The following TG variants were observed in gnomAD, a reference collection of about 807,000 sequenced individuals.
TG encodes thyroid hormones.
TG carries 270 observed loss-of-function variants against 324.7 expected under a neutral mutation model. That is an observed-to-expected ratio of 0.83 (90% CI 0.75 to 0.92). The LOEUF is 0.92. Ranked by LOEUF, TG falls within the 40% of genes least tolerant of loss-of-function variation. The probability of loss-of-function intolerance (pLI) is 0.00; values close to 1 mark genes in which losing one functional copy is unlikely to be tolerated. For synonymous variants in TG, 1,401 were observed against 1,327.0 expected (o/e 1.06, Z -1.21); for missense variants, 3,591 against 3,456.4 (o/e 1.04, Z -0.98).
chr8:132,973,319 C>T (rs140632638), intron 34 of TG, among the ~76,000 whole-genome samples: 26 of 152,296 alleles, frequency 1.7e-4, no homozygotes, highest in Admixed American at 3.3e-4. Context: ...TGGAGGAAAA[C>T]GGGGACAACC....
chr8:132,982,276 G>A (rs751326274), intron 34 of TG, among the ~76,000 whole-genome samples: 7 of 152,174 alleles, frequency 4.6e-5, no homozygotes, highest in Non-Finnish European at 8.8e-5. Flanking sequence ...CTGCTGACCC[G>A]GGAGCCCCTA....
chr8:132,916,019 G>T (rs116498037), intron 20 of TG, among the ~76,000 whole-genome samples: 2 of 152,124 alleles, frequency 1.3e-5, no homozygotes, highest in African/African-American at 2.4e-5. Context: ...ACATTTTACT[G>T]TCCAGAGACT....
intron 35 of TG, chr8:133,002,896 G>C: frequency 1.8e-6 from 1 of 566,040 alleles, no homozygotes; most frequent in Non-Finnish European, 2.3e-6. Context: ...AACGCTTCCA[G>C]TTTTGCCATG....
chr8:133,043,606 A>G (rs1838742472), intron 41 of TG, among the ~76,000 whole-genome samples: 2 of 152,184 alleles, frequency 1.3e-5, no homozygotes, highest in South Asian at 4.1e-4. Context: ...GGGGACCCCA[A>G]GTTCTGAGGG....
intron 41 of TG, among the ~76,000 whole-genome samples, chr8:133,030,266 T>G (rs1398708629): frequency 1.3e-5 from 2 of 152,224 alleles, no homozygotes; most frequent in African/African-American, 4.8e-5. Flanking sequence ...TGTTTCTATT[T>G]CCTGAGAGTG....
intron 41 of TG, among the ~76,000 whole-genome samples, chr8:133,088,943 TA>T (rs1029375770): frequency 1.3e-5 from 2 of 152,164 alleles, no homozygotes; most frequent in African/African-American, 4.8e-5. Context: ...CTTGGATGTT[TA>T]AAAAAAGTCC....
chr8:132,982,534 AG>A (rs1302094053), intron 34 of TG, among the ~76,000 whole-genome samples: 2 of 152,216 alleles, frequency 1.3e-5, no homozygotes, highest in Admixed American at 1.3e-4. Context: ...AGGAAGTTAG[AG>A]GACTTGTTAC....
chr8:133,134,570 A>G, intron 47 of TG, 106 bp from the exon 48 acceptor site: 2 of 1,058,780 alleles, frequency 1.9e-6, no homozygotes, highest in Admixed American at 3.4e-5. Context: ...GGCATTAGCA[A>G]GAAATGTCCA....
At chr8:132,872,929 C>T in intron 4 of TG, 133 bp from the exon 5 acceptor site, 4 of 1,002,204 alleles carry the variant, frequency 4.0e-6, no homozygotes, top group Non-Finnish European at 6.1e-6. Flanking sequence ...GTTCACACGA[C>T]AATGAAACCG....
intron 41 of TG, among the ~76,000 whole-genome samples, chr8:133,086,292 C>T (rs1210925719): frequency 6.6e-6 from 1 of 152,158 alleles, no homozygotes; most frequent in Non-Finnish European, 1.5e-5. Context: ...GTGATGATTG[C>T]ACAACTCTGT....
intron 41 of TG, chr8:133,073,084 A>G (rs540162022): frequency 6.6e-6 from 1 of 152,346 alleles, no homozygotes; most frequent in Admixed American, 6.5e-5. Context: ...TTTCAAACAT[A>G]CAGAGAAACT....
chr8:132,944,582 C>G (rs1386252742), intron 26 of TG, among the ~76,000 whole-genome samples: 1 of 152,218 alleles, frequency 6.6e-6, no homozygotes, highest in Non-Finnish European at 1.5e-5. Flanking sequence ...GGGAAGTGAC[C>G]TGCCAGATGC....
In TG at chr8:132,882,498, G is replaced by T. The variant is rs1284208730; in HGVS notation, c.775G>T (p.Asp259Tyr). 6.2e-7 allele frequency: 1 copy of T among 1,614,208 alleles called. No homozygotes were observed. Among genetic ancestry groups the T allele is most frequent in the South Asian group, 1.1e-5 (1 of 91,086 alleles). ...GGAGTTGTTACTGGATGAAATTTATGACACCATTTTTGCTGGCCTGGACCT... is the reference window on the plus strand; with the variant it reads ...GGAGTTGTTACTGGATGAAATTTATTACACCATTTTTGCTGGCCTGGACCT... ...GLELLLDEIY[D>Y]TIFAGLDLPS... The change falls in exon 7 of 48, where the codon GAC becomes TAC. Residue 259 changes from aspartate to tyrosine, a missense_variant. By Grantham distance (160) the Asp-to-Tyr change is radical. Coordinates refer to ENST00000220616, the MANE Select transcript of TG (RefSeq NM_003235.5).
At chr8:132,906,656 T>C in intron 16 of TG, 32 bp from the exon 17 acceptor site, 3 of 1,612,152 alleles carry the variant, frequency 1.9e-6, no homozygotes, top group Non-Finnish European at 2.5e-6. Flanking sequence ...GCTGGGCAGG[T>C]GCCCACCACG....
chr8:133,001,953 GT>G, intron 35 of TG: 1 of 985,462 alleles, frequency 1.0e-6, no homozygotes, highest in Non-Finnish European at 1.2e-6. Context: ...ATTCCTCTTG[GT>G]TTTGATTGCG....
rs568134505 is a variant in TG at position 133,079,901 on chromosome 8, A to G, written c.7240-15143A>G. 5.9e-5 allele frequency among the ~76,000 whole-genome samples: 9 copies of G among 152,062 alleles called. No individual in the cohort carries two copies. The South Asian group carries it at 1.5e-3, about 25-fold the overall frequency. On this transcript the variant is annotated intron_variant, in intron 41 of 47. Coordinates refer to ENST00000220616, the MANE Select transcript of TG (RefSeq NM_003235.5). The stretch of plus-strand genomic sequence containing the variant: ...AACCATATGACCTTCAAGATCGCAT[A>G]CAAGATAGAAGTTCTCGAGAGTAAA...
chr8:133,051,586 G>A (rs1033809456), intron 41 of TG, among the ~76,000 whole-genome samples: 17 of 152,180 alleles, frequency 1.1e-4, no homozygotes, highest in Admixed American at 8.5e-4. Context: ...GAAAAACTTA[G>A]TACTTTTCCT....
At chr8:132,938,586 C>T (rs1027869910) in intron 25 of TG, among the ~76,000 whole-genome samples, 3 of 152,104 alleles carry the variant, frequency 2.0e-5, no homozygotes, top group African/African-American at 7.2e-5. Context: ...GTGAGCAAAA[C>T]AGAATCACTG....
intron 23 of TG, among the ~76,000 whole-genome samples, chr8:132,932,228 A>G (rs1295160194): frequency 6.6e-6 from 1 of 152,192 alleles, no homozygotes; most frequent in Admixed American, 6.5e-5. Flanking sequence ...CAATGCTGAG[A>G]TGAAAATCAG....
Sources: gnomAD v4.1 joint callset for allele counts (sites outside exome capture counted in the v4.1 genomes callset) on GRCh38, gnomAD v4.1.1 for gene constraint, MANE v1.5 for transcripts, NCBI Gene and HGNC (gene_info 2026-07-23, HGNC 2026-07-21) for gene names.